Variants in STAU2 observed in about 807,000 individuals in gnomAD.
STAU2 encodes double-stranded RNA-binding protein Staufen homolog 2.
Under a neutral mutation model 65.9 loss-of-function variants are expected in STAU2, and 20 were observed. That is an observed-to-expected ratio of 0.30 (90% CI 0.21 to 0.44). STAU2 has a LOEUF of 0.44. Ranked by LOEUF, STAU2 falls within the 20% of genes least tolerant of loss-of-function variation. The pLI, the probability that STAU2 is intolerant of heterozygous loss-of-function variation, is 1.00. For synonymous variants in STAU2, 232 were observed against 233.9 expected (o/e 0.99, Z 0.07); for missense variants, 558 against 683.9 (o/e 0.82, Z 2.05).
At chr8:73,490,389 A>G (rs1159422379) in intron 13 of STAU2, among the ~76,000 whole-genome samples, 1 of 152,032 alleles carries the variant, frequency 6.6e-6, no homozygotes, top group African/African-American at 2.4e-5. Context: ...GGTTGATCTG[A>G]TAATTCTTTG....
chr8:73,746,822 G>A lies in STAU2; in HGVS notation c.-236C>T. 8.1e-7 allele frequency: 1 copy of A among 1,228,796 alleles called. No homozygotes were observed. Among genetic ancestry groups the A allele is most frequent in the Non-Finnish European group, 1.0e-6 (1 of 984,900 alleles). 76.1% of individuals were successfully genotyped at this position (1,228,796 alleles called of 1,614,324 possible). Reference sequence around the variant, plus strand: ...CACTTTGCAGACGGCTCCAACATTGGCAAACACTACAGAGAACTGACCCCG... The same window carrying A: ...CACTTTGCAGACGGCTCCAACATTGACAAACACTACAGAGAACTGACCCCG... On this transcript the variant is annotated 5_prime_UTR_variant, in exon 1 of 15. Coordinates refer to ENST00000524300, the MANE Select transcript of STAU2 (RefSeq NM_001164380.2).
At chr8:73,583,798 GT>G (rs1277508474) in intron 11 of STAU2, among the ~76,000 whole-genome samples, 2 of 152,138 alleles carry the variant, frequency 1.3e-5, no homozygotes, top group African/African-American at 2.4e-5. Flanking sequence ...AATGATTAGT[GT>G]TTGGTATAAA....
intron 11 of STAU2, among the ~76,000 whole-genome samples, chr8:73,589,726 G>A (rs1344031751): frequency 6.6e-6 from 1 of 152,122 alleles, no homozygotes; most frequent in Non-Finnish European, 1.5e-5. Context: ...TCTAATGAAT[G>A]TATAAATGGA....
chr8:73,560,032 G>A (rs1328637019), intron 12 of STAU2, among the ~76,000 whole-genome samples: 1 of 150,028 alleles, frequency 6.7e-6, no homozygotes, highest in Non-Finnish European at 1.5e-5. Context: ...AATCACCTTG[G>A]AAACGAAAAA....
At chr8:73,730,563 C>T (rs1046013541) in intron 3 of STAU2, among the ~76,000 whole-genome samples, 4 of 151,904 alleles carry the variant, frequency 2.6e-5, no homozygotes, top group Non-Finnish European at 5.9e-5. Flanking sequence ...CCCGTCTCTA[C>T]TAAAAATACA....
Position 73,649,869 on chromosome 8 carries a change from T to TTATTTATATATATA in STAU2, c.410+23237_410+23238insTATATATATAAATA, listed in dbSNP as rs71269927. ...TAGTATATATGTCTTCTATATAATT[T>TTATTTATATATATA]TATATATATATATATATATATATAT... On this transcript the variant is annotated intron_variant, in intron 6 of 14. Coordinates refer to ENST00000524300, the MANE Select transcript of STAU2 (RefSeq NM_001164380.2). Among the ~76,000 whole-genome samples, 70 of 71,614 alleles carry TTATTTATATATATA rather than the reference T, an allele frequency of 9.8e-4. 9 individuals are homozygous for TTATTTATATATATA. The highest frequency in any genetic ancestry group is 1.5e-3 in the Non-Finnish European group (58 of 37,912). The allele number at this position is 71,614 out of a possible 152,430, so 47.0% of individuals were successfully genotyped here. A position where few individuals can be genotyped will look rare whatever the true frequency, so the allele number is the denominator to read the frequency against.
chr8:73,434,772 AT>A (rs370245993), intron 13 of STAU2, among the ~76,000 whole-genome samples: 1,640 of 139,508 alleles, frequency 0.012, 62 homozygotes, highest in African/African-American at 0.051. Context: ...CTCCATATTA[AT>A]TTAAGTTCAA....
chr8:73,550,348 T>C (rs1807244992), intron 13 of STAU2: 1 of 983,594 alleles, frequency 1.0e-6, no homozygotes, highest in Non-Finnish European at 1.2e-6. Context: ...TTATAATTAT[T>C]GTCATTGCCA....
At position 73,552,166 on chromosome 8, in the gene STAU2, T is replaced by C. The variant is rs1174186928; in HGVS notation, c.1376A>G (p.Asn459Ser). 1 of 1,613,994 alleles carries C rather than the reference T, an allele frequency of 6.2e-7. No individual in the cohort carries two copies. The highest frequency in any genetic ancestry group is 1.7e-5 in the Admixed American group (1 of 60,010). Reference protein sequence around the residue: ...SSFFSISPTSNSSATIARELL... With the variant: ...SSFFSISPTSSSSATIARELL... ...TTCCCTGGCAATTGTAGCTGAACTATTCGATGTGGGAGATATACTGAAGAA... is the reference window on the plus strand; with the variant it reads ...TTCCCTGGCAATTGTAGCTGAACTACTCGATGTGGGAGATATACTGAAGAA... The change falls in exon 13 of 15, where the codon AAT becomes AGT. Residue 459 changes from asparagine to serine, a missense_variant. Coordinates refer to ENST00000524300, the MANE Select transcript of STAU2 (RefSeq NM_001164380.2).
intron 13 of STAU2, among the ~76,000 whole-genome samples, chr8:73,531,660 C>T (rs76207180): frequency 0.099 from 15,063 of 152,082 alleles, 1,177 homozygotes; most frequent in East Asian, 0.44. Context: ...ATGTAAATGA[C>T]ATTTTGAAAT....
rs1437312637 is a variant in STAU2 at position 73,674,770 on chromosome 8, TAA to T, written c.275-1530_275-1529del. ...ATGTCAGAAACAAAGGTTTTTAGCA[TAA>T]AGAGACACAAATATAAAATCAAACA... On this transcript the variant is annotated intron_variant, in intron 5 of 14. Coordinates refer to ENST00000524300, the MANE Select transcript of STAU2 (RefSeq NM_001164380.2). Among the ~76,000 whole-genome samples, 13 of 151,454 alleles carry T rather than the reference TAA, an allele frequency of 8.6e-5. No individual in the cohort carries two copies. In the East Asian group the frequency reaches 2.1e-3, roughly 25 times the overall value.
chr8:73,486,797 C>T (rs575046419), intron 13 of STAU2, among the ~76,000 whole-genome samples: 5 of 151,662 alleles, frequency 3.3e-5, no homozygotes, highest in African/African-American at 4.8e-5. Flanking sequence ...GGACTACAGG[C>T]GTGTGCCACC....
intron 6 of STAU2, among the ~76,000 whole-genome samples, chr8:73,647,193 A>G (rs528924837): frequency 1.2e-4 from 18 of 152,322 alleles, no homozygotes; most frequent in African/African-American, 4.3e-4. Flanking sequence ...CACTAAACAT[A>G]TATTTACTAC....
At chr8:73,738,214 A>G in intron 3 of STAU2, 70 bp downstream of exon 3, 1 of 1,342,980 alleles carries the variant, frequency 7.4e-7, no homozygotes, top group Non-Finnish European at 1.1e-6. Context: ...AGAAAAGCTG[A>G]GTTAAAATGT....
At chr8:73,507,798 CA>C (rs1822156659) in intron 13 of STAU2, among the ~76,000 whole-genome samples, 1 of 152,174 alleles carries the variant, frequency 6.6e-6, no homozygotes, top group African/African-American at 2.4e-5. Context: ...TGATCTTAGC[CA>C]GATCTTCTGG....
intron 11 of STAU2, among the ~76,000 whole-genome samples, chr8:73,585,855 G>C (rs1005953032): frequency 6.6e-6 from 1 of 152,202 alleles, no homozygotes; most frequent in African/African-American, 2.4e-5. Context: ...ACTGAATCAA[G>C]TGGGTGGTTC....
chr8:73,427,054 G>A (rs887874478), intron 13 of STAU2, among the ~76,000 whole-genome samples: 17 of 150,320 alleles, frequency 1.1e-4, no homozygotes, highest in Middle Eastern at 3.4e-3. Flanking sequence ...TCAGCCTCCC[G>A]AGTAGCTGGG....
chr8:73,635,954 C>A (rs1192780872), intron 6 of STAU2, among the ~76,000 whole-genome samples: 3 of 96,784 alleles, frequency 3.1e-5, no homozygotes, highest in African/African-American at 9.2e-5. Context: ...ACACACACCC[C>A]TGGAACCAAT....
At chr8:73,517,294 G>A (rs140550024) in intron 13 of STAU2, among the ~76,000 whole-genome samples, 6 of 152,208 alleles carry the variant, frequency 3.9e-5, no homozygotes, top group African/African-American at 1.2e-4. Context: ...GTGTGCTGGC[G>A]TGTGTCTGTA....
Sources: allele counts gnomAD v4.1 joint callset (sites outside exome capture counted in the v4.1 genomes callset), GRCh38; gene constraint gnomAD v4.1.1; transcripts MANE v1.5; gene names NCBI Gene and HGNC (gene_info 2026-07-23, HGNC 2026-07-21).